Variants in CSMD3 observed in about 807,000 individuals in gnomAD.
CSMD3 encodes the protein CUB and Sushi multiple domains 3, also known as CUB and sushi domain-containing protein 3.
Under a neutral mutation model 435.2 loss-of-function variants are expected in CSMD3, and 177 were observed. The ratio of observed to expected loss-of-function variants is 0.41; its 90% CI spans 0.36 to 0.46. The LOEUF (loss-of-function observed/expected upper bound fraction) is 0.46. Ranked by LOEUF, CSMD3 falls within the 20% of genes least tolerant of loss-of-function variation. The probability of loss-of-function intolerance (pLI) is 0.34; values close to 1 mark genes in which losing one functional copy is unlikely to be tolerated. For synonymous variants in CSMD3, 1,656 were observed against 1,520.5 expected (o/e 1.09, Z -2.07); for missense variants, 4,265 against 4,504.6 (o/e 0.95, Z 1.52).
intron 35 of CSMD3, among the ~76,000 whole-genome samples, chr8:112,394,046 A>G (rs1391346441): frequency 6.6e-6 from 1 of 152,120 alleles, no homozygotes; most frequent in Non-Finnish European, 1.5e-5. Context: ...ATGTCTAACA[A>G]GTATCTCAAA....
At chr8:112,328,987 A>G (rs1823776265) in intron 45 of CSMD3, among the ~76,000 whole-genome samples, 1 of 152,184 alleles carries the variant, frequency 6.6e-6, no homozygotes, top group South Asian at 2.1e-4. Context: ...CTATTTACCT[A>G]GAAAAGAAAT....
chr8:112,380,143 C>T (rs1829333775), intron 38 of CSMD3, among the ~76,000 whole-genome samples: 1 of 152,150 alleles, frequency 6.6e-6, no homozygotes, highest in South Asian at 2.1e-4. Context: ...TACTCAACAA[C>T]AAAAAAACTT....
At chr8:112,610,551 T>C (rs890215603) in intron 22 of CSMD3, among the ~76,000 whole-genome samples, 7 of 152,224 alleles carry the variant, frequency 4.6e-5, no homozygotes, top group Non-Finnish European at 1.0e-4. Context: ...TATTCTCTTC[T>C]TACTGGTAAT....
chr8:113,082,374 A>G (rs1295638869), intron 5 of CSMD3, among the ~76,000 whole-genome samples: 1 of 152,184 alleles, frequency 6.6e-6, no homozygotes, highest in Non-Finnish European at 1.5e-5. Context: ...CACAGATATC[A>G]CTGAAATTGA....
At chr8:112,533,036 GC>G (rs1825689595) in intron 27 of CSMD3, among the ~76,000 whole-genome samples, 1 of 151,964 alleles carries the variant, frequency 6.6e-6, no homozygotes, top group African/African-American at 2.4e-5. Context: ...ACCTTAAGTA[GC>G]CATTAGTTTA....
chr8:112,750,107 C>T (rs929051515), intron 13 of CSMD3, among the ~76,000 whole-genome samples: 1 of 151,776 alleles, frequency 6.6e-6, no homozygotes. Flanking sequence ...AGAGTGTGGT[C>T]CCTATTACAA....
At position 112,935,362 on chromosome 8, in the gene CSMD3, G is replaced by A. The variant is rs1332579351; in HGVS notation, c.1508+12428C>T. On this transcript the variant is annotated intron_variant, in intron 9 of 70. Coordinates refer to ENST00000297405, the MANE Select transcript of CSMD3 (RefSeq NM_198123.2). ...CAGATTTGTTCTTTTGCTAAAAATT[G>A]CTTTGGCTATTTGAAATCTATTGTG... Among the ~76,000 whole-genome samples the A allele has an allele frequency of 2.6e-5, 4 of 151,948 alleles. No homozygotes were observed. The East Asian group carries it at 7.7e-4, about 29-fold the overall frequency.
intron 20 of CSMD3, among the ~76,000 whole-genome samples, chr8:112,639,526 C>G (rs1045202122): frequency 6.6e-6 from 1 of 152,080 alleles, no homozygotes; most frequent in Non-Finnish European, 1.5e-5. Context: ...GTATCCAAAT[C>G]AATAGCCACA....
intron 11 of CSMD3, among the ~76,000 whole-genome samples, chr8:112,839,249 T>C (rs931441083): frequency 2.0e-5 from 3 of 151,770 alleles, no homozygotes; most frequent in Admixed American, 1.3e-4. Context: ...CTTTTAGCTT[T>C]GTTTTATTTT....
chr8:112,780,538 T>G (rs1304346613), intron 13 of CSMD3, among the ~76,000 whole-genome samples: 1 of 151,966 alleles, frequency 6.6e-6, no homozygotes, highest in Admixed American at 6.6e-5. Flanking sequence ...TACCTGCTTT[T>G]AATATCATGT....
intron 16 of CSMD3, among the ~76,000 whole-genome samples, chr8:112,671,804 C>T (rs1320044900): frequency 1.3e-5 from 2 of 151,862 alleles, no homozygotes; most frequent in Non-Finnish European, 2.9e-5. Flanking sequence ...CTCTCTTTAC[C>T]ATTGGTTTAG....
intron 3 of CSMD3, among the ~76,000 whole-genome samples, chr8:113,205,172 G>A (rs2092757337): frequency 1.3e-5 from 2 of 151,994 alleles, no homozygotes; most frequent in South Asian, 4.1e-4. Flanking sequence ...TAGTAGAGAC[G>A]GGGTTTCACC....
chr8:113,160,491 TTAAC>T (rs2131830993), intron 4 of CSMD3, among the ~76,000 whole-genome samples: 1 of 152,126 alleles, frequency 6.6e-6, no homozygotes, highest in South Asian at 2.1e-4. Context: ...AATTTTATAT[TTAAC>T]TATTTCCTCA....
intron 9 of CSMD3, among the ~76,000 whole-genome samples, chr8:112,945,972 T>G (rs1795674486): frequency 6.6e-6 from 1 of 151,948 alleles, no homozygotes; most frequent in African/African-American, 2.4e-5. Flanking sequence ...TTCTCTGTCA[T>G]AGAATCTTAT....
intron 4 of CSMD3, among the ~76,000 whole-genome samples, chr8:113,120,121 A>G (rs1169460005): frequency 1.3e-5 from 2 of 152,020 alleles, no homozygotes; most frequent in African/African-American, 4.8e-5. Context: ...CATACTCCAA[A>G]AAAGTCTAAG....
At chr8:113,027,054 A>T (rs1223920634) in intron 5 of CSMD3, among the ~76,000 whole-genome samples, 1 of 152,202 alleles carries the variant, frequency 6.6e-6, no homozygotes, top group East Asian at 1.9e-4. Flanking sequence ...GTGTGTTCTG[A>T]ACATTAGCAA....
chr8:113,052,561 T>A (rs911782618), intron 5 of CSMD3, among the ~76,000 whole-genome samples: 14 of 152,158 alleles, frequency 9.2e-5, no homozygotes, highest in African/African-American at 3.1e-4. Flanking sequence ...GAGTAAACGT[T>A]TGAGGCCAGG....
At chr8:112,289,191 T>G (rs1416878803) in intron 57 of CSMD3, among the ~76,000 whole-genome samples, 174 bp downstream of exon 57, 5 of 152,166 alleles carry the variant, frequency 3.3e-5, no homozygotes, top group Non-Finnish European at 7.4e-5. Flanking sequence ...CCTGCATTTC[T>G]ATAGCCTTAC....
At chr8:113,272,442 G>A (rs1391343343) in intron 3 of CSMD3, among the ~76,000 whole-genome samples, 5 of 151,536 alleles carry the variant, frequency 3.3e-5, no homozygotes, top group Non-Finnish European at 7.4e-5. Flanking sequence ...AGTCTTATGA[G>A]ATTTAATGGT....
Sources: allele counts gnomAD v4.1 joint callset (sites outside exome capture counted in the v4.1 genomes callset), GRCh38; gene constraint gnomAD v4.1.1; transcripts MANE v1.5; gene names NCBI Gene and HGNC (gene_info 2026-07-23, HGNC 2026-07-21).